The following GATAD1 variants were observed in gnomAD, a reference collection of about 807,000 sequenced individuals.
GATAD1 encodes the protein GATA zinc finger domain-containing protein 1.
In GATAD1, 12 loss-of-function variants were observed where a neutral mutation model predicts 26.5. That is an observed-to-expected ratio of 0.45 (90% CI 0.29 to 0.73). GATAD1 has a LOEUF of 0.73. Ranked by LOEUF, GATAD1 falls within the 30% of genes least tolerant of loss-of-function variation. The pLI is 0.10. For missense variants in GATAD1, 266 were observed against 342.1 expected, an observed-to-expected ratio of 0.78 and a Z score of 1.75; for synonymous variants, 129 against 133.1, an observed-to-expected ratio of 0.97 and a Z score of 0.21.
the GATAD1 span, among the ~76,000 whole-genome samples, chr7:92,483,780 G>A: frequency 3.3e-5 from 5 of 152,178 alleles, no homozygotes; most frequent in Non-Finnish European, 4.4e-5. Flanking sequence ...ACTGTAAGCC[G>A]GACTGAGTGT....
the GATAD1 span, among the ~76,000 whole-genome samples, chr7:92,476,087 C>T: frequency 6.6e-6 from 1 of 152,164 alleles, no homozygotes; most frequent in Admixed American, 6.5e-5. Flanking sequence ...AAGGGAGTTC[C>T]GCCTAGGTCT....
chr7:92,484,748 C>A, the GATAD1 span, among the ~76,000 whole-genome samples: 3 of 152,064 alleles, frequency 2.0e-5, no homozygotes, highest in Admixed American at 2.0e-4. Flanking sequence ...TCTGAGGACC[C>A]AAGGTTGTAG....
At chr7:92,487,408 G>A in the GATAD1 span, 1 of 958,926 alleles carries the variant, frequency 1.0e-6, no homozygotes, top group East Asian at 2.4e-5. Context: ...ACAACATATG[G>A]AAAAGCCATC....
chr7:92,467,715 T>C, the GATAD1 span, among the ~76,000 whole-genome samples: 1 of 152,232 alleles, frequency 6.6e-6, no homozygotes, highest in African/African-American at 2.4e-5. Context: ...TTGGGGAAGC[T>C]GGAAGTTTAA....
rs1789790045 is a variant in GATAD1 at position 92,458,663 on chromosome 7, C to CGG, written c.*2101_*2102insGG. The CGG allele has an allele frequency of 6.6e-6, 1 of 152,190 alleles. No individual in the cohort carries two copies. Among genetic ancestry groups the CGG allele is most frequent in the Non-Finnish European group, 1.5e-5 (1 of 68,032 alleles). The allele number at this position is 152,190 out of a possible 1,614,324, so 9.4% of individuals were successfully genotyped here. ...ATTTTGAGCTGCAGCAGCTTTAACT[C>CGG]TTACCCTTTTTCCACATAGTTATGG... On this transcript the variant is annotated 3_prime_UTR_variant, in exon 5 of 5. Coordinates refer to ENST00000287957, the MANE Select transcript of GATAD1 (RefSeq NM_021167.5).
chr7:92,472,104 G>C, the GATAD1 span: 1 of 152,222 alleles, frequency 6.6e-6, no homozygotes, highest in Non-Finnish European at 1.5e-5. Flanking sequence ...GTCCCCTCGA[G>C]TGGCATAGGT....
At chr7:92,454,124 G>A (rs893810668) in intron 3 of GATAD1, 26 of 238,460 alleles carry the variant, frequency 1.1e-4, no homozygotes, top group Admixed American at 7.3e-4. Context: ...GTGCATGTGT[G>A]GGGGCAGGAA....
the GATAD1 span, among the ~76,000 whole-genome samples, chr7:92,483,107 G>C: frequency 6.6e-6 from 1 of 152,228 alleles, no homozygotes; most frequent in Non-Finnish European, 1.5e-5. Flanking sequence ...CCTTGGGCCA[G>C]AGTTCCAGGG....
chr7:92,489,276 CA>C, the GATAD1 span: 56 of 1,609,738 alleles, frequency 3.5e-5, no homozygotes, highest in Non-Finnish European at 4.5e-5. Flanking sequence ...ACTTCCAAAA[CA>C]GAATCTGTTA....
the GATAD1 span, among the ~76,000 whole-genome samples, chr7:92,486,581 G>A: frequency 6.6e-6 from 1 of 152,102 alleles, no homozygotes; most frequent in African/African-American, 2.4e-5. Context: ...TGCTGGTTTA[G>A]AACCTTGAAC....
chr7:92,450,697 A>G lies in GATAD1; in HGVS notation c.376-4A>G, dbSNP rs1301530731. ...ATGTGCTAATGTTTTTTGTATTTTC[A>G]TAGCCCATCAAAGCTCCTGAGTCAG... On this transcript the variant is annotated splice_polypyrimidine_tract_variant and splice_region_variant and intron_variant, in intron 2 of 4. Transcript: ENST00000287957. 4 of 1,597,504 alleles carry G rather than the reference A, an allele frequency of 2.5e-6. No homozygotes were observed. The highest frequency in any genetic ancestry group is 2.2e-5 in the East Asian group (1 of 44,764).
At chr7:92,479,976 A>G in the GATAD1 span, among the ~76,000 whole-genome samples, 1 of 152,220 alleles carries the variant, frequency 6.6e-6, no homozygotes, top group Non-Finnish European at 1.5e-5. Flanking sequence ...GGGGTTCAGC[A>G]TAATTACTAG....
At chr7:92,453,895 A>C (rs1238646496) in intron 3 of GATAD1, among the ~76,000 whole-genome samples, 1 of 152,138 alleles carries the variant, frequency 6.6e-6, no homozygotes, top group Non-Finnish European at 1.5e-5. Flanking sequence ...AGCACAGAGG[A>C]TTTTTAGGGC....
rs1224827982 is a variant in GATAD1, at chr7:92,457,583, G to A, written c.*1021G>A. 1 of 152,170 alleles carries A rather than the reference G, an allele frequency of 6.6e-6. No homozygotes were observed. The highest frequency in any genetic ancestry group is 1.9e-4 in the East Asian group (1 of 5,204). 9.4% of individuals were successfully genotyped at this position (152,170 alleles called of 1,614,324 possible). A position where few individuals can be genotyped will look rare whatever the true frequency, so the allele number is the denominator to read the frequency against. On this transcript the variant is annotated 3_prime_UTR_variant, in exon 5 of 5. Transcript: ENST00000287957. The stretch of plus-strand genomic sequence containing the variant: ...GCTGTAATTTCCAGAGAGACCATTA[G>A]GAACAGGTAGTATCTATTTTTCTCC...
At chr7:92,493,178 A>G in the GATAD1 span, 1 of 1,003,612 alleles carries the variant, frequency 1.0e-6, no homozygotes, top group Admixed American at 2.1e-5. Context: ...AATTAAAAAT[A>G]TTATCTTAAA....
At chr7:92,485,446 T>C in the GATAD1 span, among the ~76,000 whole-genome samples, 2 of 152,204 alleles carry the variant, frequency 1.3e-5, no homozygotes, top group Admixed American at 6.5e-5. Context: ...GTCACCACAA[T>C]ATAGTCATGG....
chr7:92,494,701 A>C, the GATAD1 span: 1 of 1,203,874 alleles, frequency 8.3e-7, no homozygotes, highest in South Asian at 1.3e-5. Context: ...ATATACATAT[A>C]TGAATGTATT....
chr7:92,476,837 T>C, the GATAD1 span, among the ~76,000 whole-genome samples: 6 of 152,162 alleles, frequency 3.9e-5, no homozygotes, highest in African/African-American at 1.2e-4. Flanking sequence ...CTCCCTGGGT[T>C]ATAGCCTAGG....
At position 92,459,259 on chromosome 7, in the gene GATAD1, T is replaced by A. The variant is rs1246049706; in HGVS notation, c.*2697T>A. 1 of 151,306 alleles carries A rather than the reference T, an allele frequency of 6.6e-6. No individual in the cohort carries two copies. The highest frequency in any genetic ancestry group is 2.4e-5 in the African/African-American group (1 of 41,218). The allele number at this position is 151,306 out of a possible 1,614,324, so 9.4% of individuals were successfully genotyped here. On this transcript the variant is annotated 3_prime_UTR_variant, in exon 5 of 5. Coordinates refer to ENST00000287957, the MANE Select transcript of GATAD1 (RefSeq NM_021167.5). Reference sequence around the variant, plus strand: ...AAAAAAAGATTTTGGAGTAGATTCATCATTAATAAGTAACAGATTTTAGGA... The same window carrying A: ...AAAAAAAGATTTTGGAGTAGATTCAACATTAATAAGTAACAGATTTTAGGA...
Sources: gnomAD v4.1 joint callset for allele counts (sites outside exome capture counted in the v4.1 genomes callset) on GRCh38, gnomAD v4.1.1 for gene constraint, MANE v1.5 for transcripts, NCBI Gene and HGNC (gene_info 2026-07-23, HGNC 2026-07-21) for gene names.